UGGT2: variants seen among roughly 807,000 people sequenced by gnomAD.
UGGT2 encodes the protein UDP-glucose glycoprotein glucosyltransferase 2.
Under a neutral mutation model 192.1 loss-of-function variants are expected in UGGT2, and 180 were observed. The observed-to-expected ratio is 0.94, with a 90% confidence interval of 0.83 to 1.06. The LOEUF is 1.06. UGGT2 is among the 50% of genes least tolerant of loss of function. UGGT2 has a pLI of 0.00. For synonymous variants in UGGT2, 580 were observed against 591.0 expected, an observed-to-expected ratio of 0.98 and a Z score of 0.27; for missense variants, 1,849 against 1,795.7, an observed-to-expected ratio of 1.03 and a Z score of -0.54.
chr13:95,819,514 A>ATGTG (rs79490866), intron 38 of UGGT2, among the ~76,000 whole-genome samples: 55,480 of 108,880 alleles, frequency 0.51, 13,257 homozygotes, highest in African/African-American at 0.74. Context: ...ATACATATGT[A>ATGTG]TGTATGTAAT....
chr13:95,834,293 A>G (rs1415392036), intron 37 of UGGT2, among the ~76,000 whole-genome samples: 2 of 151,986 alleles, frequency 1.3e-5, no homozygotes, highest in Non-Finnish European at 2.9e-5. Flanking sequence ...TAACTGGGTA[A>G]TCATGCCCCT....
At chr13:95,928,800 G>A (rs558292914) in intron 17 of UGGT2, among the ~76,000 whole-genome samples, 8 of 152,292 alleles carry the variant, frequency 5.3e-5, no homozygotes, top group Non-Finnish European at 1.0e-4. Context: ...GGTGGCGGCC[G>A]GGCAGAGGCT....
chr13:96,023,559 A>G (rs2139121026), intron 3 of UGGT2, 70 bp downstream of exon 3: 1 of 1,448,580 alleles, frequency 6.9e-7, no homozygotes, highest in Non-Finnish European at 9.2e-7. Flanking sequence ...AAAGATGTTC[A>G]TATTAAAGAA....
intron 17 of UGGT2, among the ~76,000 whole-genome samples, chr13:95,934,776 T>C (rs1016323149): frequency 6.6e-6 from 1 of 152,144 alleles, no homozygotes. Flanking sequence ...TCCAAAGTGG[T>C]GGGATTACAG....
At chr13:95,963,911 T>G (rs866784282) in intron 12 of UGGT2, among the ~76,000 whole-genome samples, 2 of 152,128 alleles carry the variant, frequency 1.3e-5, no homozygotes, top group Non-Finnish European at 2.9e-5. Context: ...AATATTAAAA[T>G]GATGATACTG....
intron 20 of UGGT2, among the ~76,000 whole-genome samples, chr13:95,920,667 C>T (rs2140399470): frequency 6.6e-6 from 1 of 152,098 alleles, no homozygotes; most frequent in South Asian, 2.1e-4. Flanking sequence ...TCAGAATGGC[C>T]ATTACTAAAA....
At chr13:95,816,496 G>T (rs1884906436) in intron 38 of UGGT2, among the ~76,000 whole-genome samples, 2 of 152,064 alleles carry the variant, frequency 1.3e-5, no homozygotes, top group Admixed American at 6.5e-5. Context: ...TAACCCAAAG[G>T]TTCATCAAAT....
chr13:95,851,981 G>A (rs146294198), intron 36 of UGGT2, among the ~76,000 whole-genome samples: 6 of 152,180 alleles, frequency 3.9e-5, no homozygotes, highest in Non-Finnish European at 8.8e-5. Context: ...GAGGGTTACT[G>A]AGGACCCTAA....
At chr13:95,955,409 C>A (rs1409700609) in intron 12 of UGGT2, among the ~76,000 whole-genome samples, 3 of 152,102 alleles carry the variant, frequency 2.0e-5, no homozygotes, top group Non-Finnish European at 4.4e-5. Flanking sequence ...GTGGGAAATG[C>A]AAGCTTAAGA....
intron 4 of UGGT2, among the ~76,000 whole-genome samples, chr13:96,016,595 T>C (rs1474529050): frequency 6.6e-6 from 1 of 152,194 alleles, no homozygotes; most frequent in Non-Finnish European, 1.5e-5. Flanking sequence ...GAGGCAAGCA[T>C]GAAGGAGGCT....
chr13:95,964,814 A>C (rs1015856668), intron 12 of UGGT2, among the ~76,000 whole-genome samples: 6 of 152,190 alleles, frequency 3.9e-5, no homozygotes, highest in Non-Finnish European at 8.8e-5. Context: ...GGCAACCTAC[A>C]AAATGGGAGA....
At chr13:95,875,309 A>C (rs1328045736) in intron 29 of UGGT2, among the ~76,000 whole-genome samples, 1 of 152,174 alleles carries the variant, frequency 6.6e-6, no homozygotes, top group Non-Finnish European at 1.5e-5. Flanking sequence ...GAGTTCTGAT[A>C]GTCTTTATAT....
intron 2 of UGGT2, among the ~76,000 whole-genome samples, chr13:96,029,031 G>GC (rs1050708986): frequency 1.3e-5 from 2 of 151,864 alleles, no homozygotes; most frequent in Admixed American, 6.6e-5. Context: ...GGCACCTGTA[G>GC]CCCCAGCTAC....
intron 12 of UGGT2, among the ~76,000 whole-genome samples, chr13:95,966,450 A>G (rs1356967512): frequency 1.3e-5 from 2 of 152,228 alleles, no homozygotes; most frequent in Admixed American, 1.3e-4. Context: ...ACAGTTATCT[A>G]TACAGTTAGA....
chr13:95,990,558 TA>T (rs1291739664), intron 7 of UGGT2: 1 of 152,256 alleles, frequency 6.6e-6, no homozygotes, highest in East Asian at 1.9e-4. Flanking sequence ...AGGCATCTTT[TA>T]GAGAGCCAAA....
chr13:96,023,272 T>C, intron 3 of UGGT2, 120 bp from the exon 4 acceptor site: 2 of 789,424 alleles, frequency 2.5e-6, no homozygotes, highest in Non-Finnish European at 3.6e-6. Context: ...ATTGCTCTAA[T>C]TAAAGTAAAA....
rs1441762382 is a variant in UGGT2 at position 96,023,731 on chromosome 13, G to C, written c.270C>G (p.Ile90Met). ...TESDYSYYNL[I>M]LKKAGQFLDN... ...CTAGAAACTGTCCAGCTTTCTTCAG[G>C]ATTAAGTTGTAATAAGAATAATCTG... is the stretch of plus-strand genomic sequence containing the variant. Residue 90 changes from isoleucine to methionine, a missense_variant, in exon 3 of 39, where the codon ATC becomes ATG. Coordinates refer to ENST00000376747, the MANE Select transcript of UGGT2 (RefSeq NM_020121.4). 1 of 1,603,980 alleles carries C rather than the reference G, an allele frequency of 6.2e-7. No individual in the cohort carries two copies. The highest frequency in any genetic ancestry group is 8.5e-7 in the Non-Finnish European group (1 of 1,174,018).
chr13:95,917,523 G>C (rs1385012811), intron 20 of UGGT2, among the ~76,000 whole-genome samples: 3 of 151,736 alleles, frequency 2.0e-5, no homozygotes, highest in Non-Finnish European at 4.4e-5. Flanking sequence ...AAAATAACCA[G>C]CTAGCATCAT....
At chr13:95,803,116 A>G (rs1307309298) in intron 38 of UGGT2, among the ~76,000 whole-genome samples, 1 of 150,858 alleles carries the variant, frequency 6.6e-6, no homozygotes, top group East Asian at 2.0e-4. Flanking sequence ...TTACAGGCGT[A>G]AGCCACTGTG....
Sources: gnomAD v4.1 joint callset for allele counts (sites outside exome capture counted in the v4.1 genomes callset) on GRCh38, gnomAD v4.1.1 for gene constraint, MANE v1.5 for transcripts, NCBI Gene and HGNC (gene_info 2026-07-23, HGNC 2026-07-21) for gene names.